The following AKAP6 variants were observed in gnomAD, a reference collection of about 807,000 sequenced individuals.
The protein encoded by AKAP6 is A-kinase anchor protein 6.
A neutral mutation model predicts 188.5 loss-of-function variants in AKAP6; 58 were observed. The ratio of observed to expected loss-of-function variants is 0.31; its 90% CI spans 0.25 to 0.38. The LOEUF is 0.38. AKAP6 is among the 10% of genes least tolerant of loss of function. The pLI is 1.00. For synonymous variants in AKAP6, 989 were observed against 998.6 expected, an observed-to-expected ratio of 0.99 and a Z score of 0.18; for missense variants, 2,710 against 2,740.0, an observed-to-expected ratio of 0.99 and a Z score of 0.24.
chr14:32,644,446 A>G (rs1465114184), intron 7 of AKAP6, among the ~76,000 whole-genome samples: 1 of 152,170 alleles, frequency 6.6e-6, no homozygotes, highest in Non-Finnish European at 1.5e-5. Flanking sequence ...AAGAATTAAC[A>G]TGGTGCTGGT....
Position 32,835,862 on chromosome 14 carries a change from C to T in AKAP6, c.*6057C>T, listed in dbSNP as rs1254389303. 3.9e-5 allele frequency: 6 copies of T among 152,128 alleles called. No individual in the cohort carries two copies. The highest frequency in any genetic ancestry group is 8.8e-5 in the Non-Finnish European group (6 of 68,028). 9.4% of individuals were successfully genotyped at this position (152,128 alleles called of 1,614,324 possible). Reference sequence around the variant, plus strand: ...TTCTTTTTTAAAAGCAGCCACATACCTTCTATATAACAATGGCCCTTTAGT... The same window carrying T: ...TTCTTTTTTAAAAGCAGCCACATACTTTCTATATAACAATGGCCCTTTAGT... On this transcript the variant is annotated 3_prime_UTR_variant, in exon 14 of 14. Coordinates refer to ENST00000280979, the MANE Select transcript of AKAP6 (RefSeq NM_004274.5).
At chr14:32,495,186 T>C (rs959200412) in intron 2 of AKAP6, 2 of 152,196 alleles carry the variant, frequency 1.3e-5, no homozygotes, top group Non-Finnish European at 2.9e-5. Context: ...TCATATGTTA[T>C]GTTTTAGATT....
At chr14:32,541,643 A>G (rs544317410) in intron 3 of AKAP6, among the ~76,000 whole-genome samples, 2 of 152,318 alleles carry the variant, frequency 1.3e-5, no homozygotes, top group African/African-American at 4.8e-5. Context: ...CATGTTGCAA[A>G]TTTCAGCTAC....
chr14:32,647,628 C>T (rs1888038244), intron 7 of AKAP6, among the ~76,000 whole-genome samples: 1 of 152,028 alleles, frequency 6.6e-6, no homozygotes, highest in African/African-American at 2.4e-5. Flanking sequence ...GATAAAGGGG[C>T]ATCAATGATT....
chr14:32,698,514 A>T (rs529196895), intron 9 of AKAP6, among the ~76,000 whole-genome samples: 14 of 152,208 alleles, frequency 9.2e-5, no homozygotes, highest in Non-Finnish European at 1.8e-4. Flanking sequence ...TATTAAGGGC[A>T]CCATTGACAT....
rs779600778 is a variant in AKAP6, at chr14:32,735,814, T to G, written c.3304T>G (p.Phe1102Val). Residue 1102 changes from phenylalanine to valine, a missense_variant, in exon 11 of 14, where the codon TTC becomes GTC. Physicochemically the swap from Phe to Val is conservative, Grantham distance 50. Around this residue, in one of 2 missense-constraint regions of AKAP6, gnomAD observed 2,473 missense variants for 2,426.1 expected, o/e 1.02. Coordinates refer to ENST00000280979, the MANE Select transcript of AKAP6 (RefSeq NM_004274.5). ...GWLRDTELFI[F>V]NSCLRQEKEG... is the part of the protein sequence containing the mutation. ...GCTAAGAGATACAGAGCTTTTCATCTTCAATTCCTGTCTGAGACAAGAAAA... is the reference window on the plus strand; with the variant it reads ...GCTAAGAGATACAGAGCTTTTCATCGTCAATTCCTGTCTGAGACAAGAAAA... 1 of 1,613,440 alleles carries G rather than the reference T, an allele frequency of 6.2e-7. No homozygotes were observed. Among genetic ancestry groups the G allele is most frequent in the Admixed American group, 1.7e-5 (1 of 59,890 alleles).
Position 32,824,813 on chromosome 14 carries a change from A to G in AKAP6, c.*40A>G, listed in dbSNP as rs755990935. ...CCAAGCATGAAAATCATCTCACTGA[A>G]AGGTACGTATAGTCCTCATGCCGTA... On this transcript the variant is annotated splice_region_variant and 3_prime_UTR_variant, in exon 13 of 14. Transcript: ENST00000280979. 6.3e-6 allele frequency: 10 copies of G among 1,582,324 alleles called. No homozygotes were observed. Among genetic ancestry groups the G allele is most frequent in the Admixed American group, 1.8e-5 (1 of 55,886 alleles).
At chr14:32,338,917 T>C (rs984412979) in intron 1 of AKAP6, among the ~76,000 whole-genome samples, 2 of 152,140 alleles carry the variant, frequency 1.3e-5, no homozygotes, top group African/African-American at 4.8e-5. Context: ...TCTCCTCAAC[T>C]CCAGCCCTGA....
At chr14:32,338,443 G>A (rs1886786307) in intron 1 of AKAP6, among the ~76,000 whole-genome samples, 1 of 151,908 alleles carries the variant, frequency 6.6e-6, no homozygotes. Flanking sequence ...TCAAATAGGG[G>A]GTTTCCATTT....
chr14:32,332,835 A>G (rs909586604), intron 1 of AKAP6, among the ~76,000 whole-genome samples: 1 of 152,090 alleles, frequency 6.6e-6, no homozygotes, highest in African/African-American at 2.4e-5. Context: ...AACTCTGTCT[A>G]TCTCTGACAA....
chr14:32,510,797 G>A (rs1881218128), intron 2 of AKAP6, among the ~76,000 whole-genome samples: 2 of 152,086 alleles, frequency 1.3e-5, no homozygotes, highest in East Asian at 1.9e-4. Context: ...TTTCAAGGAA[G>A]CATTCATTTA....
At chr14:32,485,800 C>A (rs1174080153) in intron 2 of AKAP6, among the ~76,000 whole-genome samples, 2 of 152,158 alleles carry the variant, frequency 1.3e-5, no homozygotes, top group African/African-American at 4.8e-5. Flanking sequence ...TTTGGCTGTG[C>A]AGAAGCTCTT....
At chr14:32,636,038 AT>A (rs1448020380) in intron 7 of AKAP6, among the ~76,000 whole-genome samples, 1 of 152,138 alleles carries the variant, frequency 6.6e-6, no homozygotes, top group Non-Finnish European at 1.5e-5. Flanking sequence ...ATAGACTAGT[AT>A]TTGTAAGGAC....
intron 9 of AKAP6, among the ~76,000 whole-genome samples, chr14:32,709,159 A>G (rs1566659490): frequency 6.6e-6 from 1 of 152,068 alleles, no homozygotes. Flanking sequence ...AAAGTATGGA[A>G]ACACTGTCAG....
chr14:32,777,630 G>T (rs895447895), intron 12 of AKAP6, among the ~76,000 whole-genome samples: 2 of 152,098 alleles, frequency 1.3e-5, no homozygotes, highest in Non-Finnish European at 2.9e-5. Context: ...TAAAAATTGT[G>T]CAAAATGAAG....
chr14:32,512,949 C>T (rs975844377), intron 2 of AKAP6, among the ~76,000 whole-genome samples: 5 of 152,108 alleles, frequency 3.3e-5, no homozygotes, highest in Admixed American at 6.5e-5. Context: ...TTATATGTTG[C>T]AATAAACCCT....
At chr14:32,463,418 A>G (rs1233070233) in intron 2 of AKAP6, among the ~76,000 whole-genome samples, 6 of 152,228 alleles carry the variant, frequency 3.9e-5, no homozygotes, top group African/African-American at 1.4e-4. Flanking sequence ...CCACAGTGAA[A>G]TCAAATTAGA....
At chr14:32,377,520 A>AGG (rs1037014626) in intron 1 of AKAP6, among the ~76,000 whole-genome samples, 1 of 152,030 alleles carries the variant, frequency 6.6e-6, no homozygotes, top group Non-Finnish European at 1.5e-5. Context: ...TGAGAGAGAG[A>AGG]GAGAGAGAGA....
At chr14:32,372,892 G>A (rs901046793) in intron 1 of AKAP6, among the ~76,000 whole-genome samples, 4 of 151,774 alleles carry the variant, frequency 2.6e-5, no homozygotes, top group Non-Finnish European at 4.4e-5. Context: ...GGTAGTTTTG[G>A]AAACTTTCTT....
Sources: gnomAD v4.1 joint callset for allele counts (sites outside exome capture counted in the v4.1 genomes callset) on GRCh38, gnomAD v4.1.1 for gene constraint, gnomAD v4.1.1 regional missense constraint, MANE v1.5 for transcripts, NCBI Gene and HGNC (gene_info 2026-07-23, HGNC 2026-07-21) for gene names.